Variants in TGFBR3 observed in about 807,000 individuals in gnomAD.
TGFBR3 encodes the protein transforming growth factor beta receptor 3.
TGFBR3 carries 46 observed loss-of-function variants against 87.9 expected under a neutral mutation model. The observed-to-expected ratio is 0.52, with a 90% CI of 0.41 to 0.67. The LOEUF is 0.67. TGFBR3 is among the 30% of genes least tolerant of loss of function. The probability of loss-of-function intolerance (pLI) is 0.00; values close to 1 mark genes in which losing one functional copy is unlikely to be tolerated. For missense variants in TGFBR3, 866 were observed against 1,041.9 expected (o/e 0.83, Z 2.32); for synonymous variants, 381 against 391.6 (o/e 0.97, Z 0.32).
chr1:91,807,009 A>G (rs925734916), intron 2 of TGFBR3, among the ~76,000 whole-genome samples: 3 of 152,234 alleles, frequency 2.0e-5, no homozygotes, highest in Non-Finnish European at 4.4e-5. Context: ...AACACAGGAT[A>G]TGACGCAAAA....
In TGFBR3 at chr1:91,805,492, T is replaced by G. The variant is rs149716667; in HGVS notation, c.62-8021A>C. On this transcript the variant is annotated intron_variant, in intron 2 of 16. Coordinates refer to ENST00000212355, the MANE Select transcript of TGFBR3 (RefSeq NM_003243.5). ...TTCACCCACAAGATGCTACTTCTAC[T>G]GACAAAAATATTTACTGACCTGAAG... Among the ~76,000 whole-genome samples, 79 of 152,316 alleles carry G rather than the reference T, an allele frequency of 5.2e-4. 1 individual carries two copies. The highest frequency in any genetic ancestry group is 1.9e-3 in the African/African-American group (77 of 41,568).
rs2100787657 is a variant in TGFBR3, at chr1:91,722,003, T to C, written c.1027A>G (p.Thr343Ala). ...AATCTATTAGCCACAGGAGCCATTGTGTATGAAGTTATTGGACTATAGCCA... is the reference window on the plus strand; with the variant it reads ...AATCTATTAGCCACAGGAGCCATTGCGTATGAAGTTATTGGACTATAGCCA... The part of the protein sequence containing the change: ...DNGYSPITSY[T>A]MAPVANRFHL... Residue 343 changes from threonine (T) to alanine (A), a missense_variant, in exon 8 of 17, where the codon ACA becomes GCA. Transcript: ENST00000212355. 1.2e-6 allele frequency: 2 copies of C among 1,613,712 alleles called. No individual in the cohort carries two copies. The highest frequency in any genetic ancestry group is 1.7e-6 in the Non-Finnish European group (2 of 1,179,834).
intron 2 of TGFBR3, among the ~76,000 whole-genome samples, chr1:91,828,640 G>A (rs1676734533): frequency 6.6e-6 from 1 of 152,176 alleles, no homozygotes; most frequent in Non-Finnish European, 1.5e-5. Flanking sequence ...GCTGTGAAAG[G>A]GTCCCTCTGG....
intron 7 of TGFBR3, among the ~76,000 whole-genome samples, chr1:91,723,114 TATTA>T (rs1332815489): frequency 6.6e-6 from 1 of 152,226 alleles, no homozygotes; most frequent in Non-Finnish European, 1.5e-5. Flanking sequence ...CTATTCTAAA[TATTA>T]ATTAATTAAT....
chr1:91,794,137 A>G (rs1675289138), intron 3 of TGFBR3, among the ~76,000 whole-genome samples: 2 of 152,254 alleles, frequency 1.3e-5, no homozygotes, highest in Non-Finnish European at 2.9e-5. Context: ...ACAATTCAAC[A>G]GTTTTTAGTA....
intron 2 of TGFBR3, among the ~76,000 whole-genome samples, chr1:91,897,011 C>G (rs1180798133): frequency 1.3e-5 from 2 of 151,402 alleles, no homozygotes; most frequent in Non-Finnish European, 1.5e-5. Flanking sequence ...AACTAGTTCT[C>G]CAGACATTCA....
chr1:91,784,375 A>G (rs999602474), intron 3 of TGFBR3, among the ~76,000 whole-genome samples: 4 of 152,198 alleles, frequency 2.6e-5, no homozygotes, highest in Non-Finnish European at 4.4e-5. Context: ...CCTTGGTGCC[A>G]TGCAATAACC....
intron 2 of TGFBR3, among the ~76,000 whole-genome samples, chr1:91,821,548 A>G (rs1042023065): frequency 3.9e-5 from 6 of 152,180 alleles, no homozygotes; most frequent in African/African-American, 1.2e-4. Flanking sequence ...TTTAAAAATC[A>G]TATGTGGTTT....
intron 4 of TGFBR3, among the ~76,000 whole-genome samples, chr1:91,747,848 C>G (rs981419246): frequency 6.6e-6 from 1 of 152,234 alleles, no homozygotes; most frequent in Non-Finnish European, 1.5e-5. Flanking sequence ...CAGCGGCTTC[C>G]GCTCATGCCT....
Position 91,788,463 on chromosome 1 carries a change from G to A in TGFBR3, c.246+8824C>T, listed in dbSNP as rs528927859. ...CCAAGTCATACATGGCCTCTTCATC[G>A]TGGAAGAAAGAAAAGTGAAATAATT... is the stretch of plus-strand genomic sequence containing the variant. On this transcript the variant is annotated intron_variant, in intron 3 of 16. Coordinates refer to ENST00000212355, the MANE Select transcript of TGFBR3 (RefSeq NM_003243.5). Among the ~76,000 whole-genome samples, 9 of 152,280 alleles carry A rather than the reference G, an allele frequency of 5.9e-5. No individual in the cohort carries two copies. The South Asian group carries it at 8.3e-4, about 14-fold the overall frequency.
At chr1:91,745,133 C>G (rs1212778198) in intron 4 of TGFBR3, among the ~76,000 whole-genome samples, 3 of 152,150 alleles carry the variant, frequency 2.0e-5, no homozygotes, top group African/African-American at 7.2e-5. Flanking sequence ...CTCTAACTCG[C>G]ACATCCAACT....
At chr1:91,688,018 C>G (rs112288090) in intron 16 of TGFBR3, among the ~76,000 whole-genome samples, 6 of 152,272 alleles carry the variant, frequency 3.9e-5, no homozygotes, top group African/African-American at 1.4e-4. Context: ...ACGATACTAC[C>G]TTTAATTTAG....
At chr1:91,790,347 C>T (rs970735156) in intron 3 of TGFBR3, among the ~76,000 whole-genome samples, 6 of 152,148 alleles carry the variant, frequency 3.9e-5, no homozygotes, top group East Asian at 1.9e-4. Flanking sequence ...TACCATATGG[C>T]CGAGGTGCGT....
rs556899605 is a variant in TGFBR3 at position 91,780,755 on chromosome 1, A to G, written c.246+16532T>C. Among the ~76,000 whole-genome samples the G allele has an allele frequency of 2.6e-5, 4 of 151,536 alleles. No individual in the cohort carries two copies. The East Asian group carries it at 7.8e-4, about 30-fold the overall frequency. Reference sequence around the variant, plus strand: ...TGTATTTTTAGTAGAGACGGGTTTCACCATTTTGGTTAGGCTGGTCTCGAA... The same window carrying G: ...TGTATTTTTAGTAGAGACGGGTTTCGCCATTTTGGTTAGGCTGGTCTCGAA... On this transcript the variant is annotated intron_variant, in intron 3 of 16. Coordinates refer to ENST00000212355, the MANE Select transcript of TGFBR3 (RefSeq NM_003243.5).
intron 2 of TGFBR3, among the ~76,000 whole-genome samples, chr1:91,825,272 G>A (rs538056900): frequency 6.6e-6 from 1 of 152,162 alleles, no homozygotes; most frequent in South Asian, 2.1e-4. Flanking sequence ...TTTTTAATGT[G>A]GTATATACAT....
intron 2 of TGFBR3, among the ~76,000 whole-genome samples, chr1:91,899,049 T>A (rs926676269): frequency 1.3e-5 from 2 of 152,204 alleles, no homozygotes; most frequent in African/African-American, 4.8e-5. Flanking sequence ...AAATCATAAA[T>A]GTAAAGGGAA....
chr1:91,850,362 T>C (rs1348476818), intron 2 of TGFBR3, among the ~76,000 whole-genome samples: 4 of 152,212 alleles, frequency 2.6e-5, no homozygotes, highest in Non-Finnish European at 5.9e-5. Context: ...TGCTTCACCA[T>C]GTAGTATTAT....
intron 2 of TGFBR3, chr1:91,899,565 A>T (rs1464978340): frequency 2.6e-5 from 4 of 151,734 alleles, no homozygotes; most frequent in African/African-American, 9.7e-5. Flanking sequence ...GGCTCATTCC[A>T]CTTTTCAGGC....
chr1:91,832,505 A>C (rs1417625292), intron 2 of TGFBR3, among the ~76,000 whole-genome samples: 1 of 152,192 alleles, frequency 6.6e-6, no homozygotes, highest in Non-Finnish European at 1.5e-5. Context: ...TCCTCACAAC[A>C]ACCTTGAGAT....
Sources: gnomAD v4.1 joint callset for allele counts (sites outside exome capture counted in the v4.1 genomes callset) on GRCh38, gnomAD v4.1.1 for gene constraint, MANE v1.5 for transcripts, NCBI Gene and HGNC (gene_info 2026-07-23, HGNC 2026-07-21) for gene names.